EXOC2: variants seen among roughly 807,000 people sequenced by gnomAD.
EXOC2 encodes exocyst complex component 2.
In EXOC2, 70 loss-of-function variants were observed where a neutral mutation model predicts 131.8. That is an observed-to-expected ratio of 0.53 (90% CI 0.44 to 0.65). The LOEUF (loss-of-function observed/expected upper bound fraction) is 0.65, where lower values mean the gene tolerates loss of function less well. Ranked by LOEUF, EXOC2 falls within the 30% of genes least tolerant of loss-of-function variation. The probability of loss-of-function intolerance (pLI) is 0.00; values close to 1 mark genes in which losing one functional copy is unlikely to be tolerated. For missense variants in EXOC2, 923 were observed against 1,108.6 expected, an observed-to-expected ratio of 0.83 and a Z score of 2.38; for synonymous variants, 411 against 398.4, an observed-to-expected ratio of 1.03 and a Z score of -0.38.
chr6:489,183 G>A, intron 26 of EXOC2, 145 bp from the exon 27 acceptor site: 1 of 782,096 alleles, frequency 1.3e-6, no homozygotes, highest in East Asian at 2.9e-5. Flanking sequence ...AAAAACAATA[G>A]AAAAAGTAAA....
intron 25 of EXOC2, 33 bp downstream of exon 25, chr6:497,334 G>C: frequency 6.3e-7 from 1 of 1,597,188 alleles, no homozygotes; most frequent in South Asian, 1.1e-5. Context: ...AATAACAACA[G>C]AAGTTCAATA....
intron 13 of EXOC2, among the ~76,000 whole-genome samples, chr6:569,532 G>C (rs1186206473): frequency 1.3e-5 from 2 of 152,194 alleles, no homozygotes; most frequent in Non-Finnish European, 2.9e-5. Context: ...TCTTGTGTGA[G>C]ATTAAATAGC....
At chr6:512,943 T>C (rs1347627990) in intron 23 of EXOC2, among the ~76,000 whole-genome samples, 1 of 152,234 alleles carries the variant, frequency 6.6e-6, no homozygotes, top group Non-Finnish European at 1.5e-5. Context: ...ATGAAATACC[T>C]GAATAAATCC....
At chr6:598,497 G>A (rs1185845400) in intron 9 of EXOC2, among the ~76,000 whole-genome samples, 1 of 152,156 alleles carries the variant, frequency 6.6e-6, no homozygotes, top group Non-Finnish European at 1.5e-5. Flanking sequence ...TCCTTTAAAG[G>A]AGGTTGGAAT....
Position 491,203 on chromosome 6 carries a change from GAC to G in EXOC2, c.2560-19_2560-18del, listed in dbSNP as rs1561771587. 1.2e-6 allele frequency: 2 copies of G among 1,613,596 alleles called. No homozygotes were observed. The highest frequency in any genetic ancestry group is 2.7e-5 in the African/African-American group (2 of 75,016). ...AAGTCTCGCCTGAAAATGAGAAAAA[GAC>G]AAAGTGACAACAGGAAAATTTATAT... is the stretch of plus-strand genomic sequence containing the variant. On this transcript the variant is annotated intron_variant, in intron 25 of 27. Coordinates refer to ENST00000230449, the MANE Select transcript of EXOC2 (RefSeq NM_018303.6).
At chr6:651,323 G>A (rs1258485803) in intron 1 of EXOC2, among the ~76,000 whole-genome samples, 7 of 151,914 alleles carry the variant, frequency 4.6e-5, no homozygotes, top group South Asian at 2.1e-4. Flanking sequence ...GTGAGCCACC[G>A]CGCCCGGCCG....
intron 26 of EXOC2, among the ~76,000 whole-genome samples, chr6:490,835 C>T (rs571582986): frequency 6.6e-6 from 1 of 152,352 alleles, no homozygotes; most frequent in African/African-American, 2.4e-5. Flanking sequence ...AGCTGTCCTT[C>T]AGAGTCTGCT....
intron 27 of EXOC2, among the ~76,000 whole-genome samples, chr6:488,418 C>T (rs764082340): frequency 3.9e-5 from 6 of 152,194 alleles, no homozygotes; most frequent in Non-Finnish European, 7.3e-5. Context: ...GGTCCGTTTC[C>T]TGTTCTATGA....
intron 23 of EXOC2, among the ~76,000 whole-genome samples, chr6:511,087 T>TGG (rs1340206040): frequency 6.6e-6 from 1 of 152,240 alleles, no homozygotes; most frequent in Admixed American, 6.5e-5. Context: ...TGGAAGCAGC[T>TGG]GGGGTCCTGA....
At chr6:662,113 A>C (rs553836184) in intron 1 of EXOC2, among the ~76,000 whole-genome samples, 124 of 152,350 alleles carry the variant, frequency 8.1e-4, no homozygotes, top group South Asian at 2.1e-3. Flanking sequence ...TCACAATCCT[A>C]AACATATATG....
At chr6:685,623 C>G (rs1451318800) in intron 1 of EXOC2, among the ~76,000 whole-genome samples, 5 of 152,322 alleles carry the variant, frequency 3.3e-5, no homozygotes, top group Non-Finnish European at 5.9e-5. Context: ...GGACAAGTCT[C>G]AGAGACAGGG....
intron 1 of EXOC2, among the ~76,000 whole-genome samples, chr6:687,171 C>CTT (rs762736216): frequency 0.14 from 11,037 of 76,936 alleles, 2,826 homozygotes; most frequent in Middle Eastern, 0.19. Flanking sequence ...AAATAATATT[C>CTT]TTTTTTTTTT....
chr6:537,381 C>T (rs997035158), intron 22 of EXOC2, among the ~76,000 whole-genome samples: 4 of 149,672 alleles, frequency 2.7e-5, no homozygotes, highest in African/African-American at 7.4e-5. Flanking sequence ...AGTTGATGGC[C>T]GACGGAGCGT....
intron 5 of EXOC2, among the ~76,000 whole-genome samples, chr6:618,379 T>C (rs1025717082): frequency 1.3e-5 from 2 of 152,186 alleles, no homozygotes; most frequent in African/African-American, 2.4e-5. Flanking sequence ...CAATATCTCA[T>C]CTCAATATCT....
At chr6:584,698 C>G (rs1759103509) in intron 11 of EXOC2, among the ~76,000 whole-genome samples, 1 of 152,210 alleles carries the variant, frequency 6.6e-6, no homozygotes, top group South Asian at 2.1e-4. Flanking sequence ...TTCTTCTGCT[C>G]TGCGGCTATT....
intron 15 of EXOC2, 141 bp from the exon 16 acceptor site, chr6:564,295 G>C (rs1757852060): frequency 7.6e-7 from 1 of 1,314,922 alleles, no homozygotes; most frequent in African/African-American, 1.5e-5. Context: ...ACCACAACTG[G>C]GACTGTACTG....
rs1400804413 is a variant in EXOC2, at chr6:532,589, C to G, written c.2260G>C (p.Glu754Gln). The G allele has an allele frequency of 8.1e-6, 13 of 1,596,886 alleles. No homozygotes were observed. The highest frequency in any genetic ancestry group is 1.1e-5 in the Non-Finnish European group (13 of 1,173,666). The change falls in exon 23 of 28, where the codon GAA becomes CAA. Residue 754 changes from glutamate to glutamine, a missense_variant. Transcript: ENST00000230449. ...TTTTCAAAGAGTCTTTGATCTAGTT[C>G]TTTCAATGAGGCCATGCTAACCTAT... is the stretch of plus-strand genomic sequence containing the variant. ...ITQVSMASLK[E>Q]LDQRLFENYI...
At chr6:597,138 T>G (rs531119575) in intron 10 of EXOC2, among the ~76,000 whole-genome samples, 1 of 152,296 alleles carries the variant, frequency 6.6e-6, no homozygotes, top group African/African-American at 2.4e-5. Flanking sequence ...TAAGGCCTTC[T>G]CTTCATATCC....
chr6:542,436 TGGA>T (rs1185285930), intron 22 of EXOC2, among the ~76,000 whole-genome samples: 1 of 152,080 alleles, frequency 6.6e-6, no homozygotes, highest in Non-Finnish European at 1.5e-5. Flanking sequence ...ACTTCGGGAA[TGGA>T]GGAGGAGAGG....
Sources: gnomAD v4.1 joint callset for allele counts (sites outside exome capture counted in the v4.1 genomes callset) on GRCh38, gnomAD v4.1.1 for gene constraint, MANE v1.5 for transcripts, NCBI Gene and HGNC (gene_info 2026-07-23, HGNC 2026-07-21) for gene names.